Variants in TTC28 observed in about 807,000 individuals in gnomAD.
TTC28 encodes the protein tetratricopeptide repeat domain 28.
A neutral mutation model predicts 198.0 loss-of-function variants in TTC28; 61 were observed. The ratio of observed to expected loss-of-function variants is 0.31; its 90% confidence interval spans 0.25 to 0.38. TTC28 has a LOEUF of 0.38. Ranked by LOEUF, TTC28 falls within the 10% of genes least tolerant of loss-of-function variation. TTC28 has a pLI of 1.00. For synonymous variants in TTC28, 1,171 were observed against 1,297.8 expected (o/e 0.90, Z 2.10); for missense variants, 2,678 against 3,164.0 (o/e 0.85, Z 3.69).
intron 6 of TTC28, among the ~76,000 whole-genome samples, chr22:28,122,088 G>A (rs541052279): frequency 8.5e-5 from 13 of 152,238 alleles, no homozygotes; most frequent in African/African-American, 2.2e-4. Flanking sequence ...GGCTGTTCTC[G>A]AACTCCTGAC....
chr22:28,345,931 GA>G (rs1265088621), intron 2 of TTC28, among the ~76,000 whole-genome samples: 2 of 152,174 alleles, frequency 1.3e-5, no homozygotes, highest in African/African-American at 4.8e-5. Flanking sequence ...TAAGTAACCT[GA>G]ATCAGTCAGT....
At chr22:28,251,191 T>A (rs1601531597) in intron 5 of TTC28, among the ~76,000 whole-genome samples, 1 of 152,154 alleles carries the variant, frequency 6.6e-6, no homozygotes, top group South Asian at 2.1e-4. Context: ...TGTTTCAAAG[T>A]CCAACTTTCA....
At chr22:28,032,173 T>TATATATATATATAAA (rs1569094560) in intron 12 of TTC28, among the ~76,000 whole-genome samples, 80 of 104,180 alleles carry the variant, frequency 7.7e-4, no homozygotes, top group Non-Finnish European at 1.3e-3. Flanking sequence ...TGTGTGTATA[T>TATATATATATATAAA]ATATATATAT....
chr22:28,628,507 A>G (rs1206627168), intron 2 of TTC28, among the ~76,000 whole-genome samples: 10 of 152,228 alleles, frequency 6.6e-5, no homozygotes, highest in African/African-American at 2.4e-4. Flanking sequence ...ATACAATATT[A>G]TTAACTATAG....
intron 12 of TTC28, among the ~76,000 whole-genome samples, chr22:28,035,731 C>T (rs1218712387): frequency 5.3e-5 from 8 of 152,160 alleles, no homozygotes; most frequent in Non-Finnish European, 1.0e-4. Context: ...GAAACTTTCC[C>T]GTGTGACTTA....
At chr22:28,568,338 A>G (rs925812852) in intron 2 of TTC28, among the ~76,000 whole-genome samples, 4 of 152,210 alleles carry the variant, frequency 2.6e-5, no homozygotes, top group Admixed American at 2.6e-4. Context: ...TAAACTTTAA[A>G]ATGGTTAAAA....
At chr22:28,157,447 G>C (rs1025671496) in intron 6 of TTC28, among the ~76,000 whole-genome samples, 9 of 152,110 alleles carry the variant, frequency 5.9e-5, no homozygotes, top group Admixed American at 3.9e-4. Flanking sequence ...ATTCTATGAG[G>C]CCAGTATTAC....
intron 2 of TTC28, among the ~76,000 whole-genome samples, chr22:28,601,775 T>TACACACAC (rs1555900044): frequency 4.7e-5 from 3 of 63,250 alleles, no homozygotes; most frequent in Non-Finnish European, 1.2e-4. Flanking sequence ...GAGTAAACCC[T>TACACACAC]AGACACACAC....
At chr22:27,999,566 C>T (rs746223435) in intron 15 of TTC28, 10 of 353,306 alleles carry the variant, frequency 2.8e-5, no homozygotes, top group Non-Finnish European at 5.2e-5. Context: ...GAACCCAGGA[C>T]AGCCAGCCTG....
chr22:28,608,268 C>A (rs916587495), intron 2 of TTC28, among the ~76,000 whole-genome samples: 2 of 152,158 alleles, frequency 1.3e-5, no homozygotes, highest in African/African-American at 2.4e-5. Context: ...TAGGAGTAAA[C>A]AGAGGGGTCA....
At chr22:28,113,623 G>GT (rs1316434247) in intron 6 of TTC28, among the ~76,000 whole-genome samples, 1 of 152,226 alleles carries the variant, frequency 6.6e-6, no homozygotes, top group Non-Finnish European at 1.5e-5. Context: ...ACATAGGACA[G>GT]TGGGTATGCT....
At chr22:28,519,538 G>A (rs755195148) in intron 2 of TTC28, among the ~76,000 whole-genome samples, 45 of 152,118 alleles carry the variant, frequency 3.0e-4, no homozygotes, top group African/African-American at 1.0e-3. Context: ...CGGACATCAC[G>A]GTGTTCATTT....
intron 5 of TTC28, among the ~76,000 whole-genome samples, chr22:28,241,582 T>C (rs1219803051): frequency 6.6e-6 from 1 of 152,058 alleles, no homozygotes; most frequent in Non-Finnish European, 1.5e-5. Flanking sequence ...TGTATGTAAT[T>C]TACCCTCAAA....
At chr22:28,661,980 A>G (rs886567343) in intron 1 of TTC28, among the ~76,000 whole-genome samples, 1 of 152,168 alleles carries the variant, frequency 6.6e-6, no homozygotes, top group Non-Finnish European at 1.5e-5. Context: ...ACCTCAAGCA[A>G]TCCTCCTACT....
intron 5 of TTC28, among the ~76,000 whole-genome samples, chr22:28,167,319 C>T (rs1040003520): frequency 3.9e-5 from 6 of 152,196 alleles, no homozygotes; most frequent in African/African-American, 9.6e-5. Context: ...CCTAACTCAT[C>T]TTATGAGGCC....
intron 12 of TTC28, among the ~76,000 whole-genome samples, chr22:28,048,401 C>T (rs1304462453): frequency 2.0e-5 from 3 of 151,892 alleles, no homozygotes; most frequent in Non-Finnish European, 4.4e-5. Flanking sequence ...AGATGTGCCA[C>T]CTAGTTCAGG....
At chr22:28,662,628 G>A (rs951684792) in intron 1 of TTC28, among the ~76,000 whole-genome samples, 4 of 152,206 alleles carry the variant, frequency 2.6e-5, no homozygotes, top group Non-Finnish European at 5.9e-5. Context: ...ACTTACAGAA[G>A]GAAGAGTGCT....
intron 2 of TTC28, among the ~76,000 whole-genome samples, chr22:28,530,554 G>C (rs191922624): frequency 4.1e-4 from 62 of 152,214 alleles, no homozygotes; most frequent in Non-Finnish European, 1.3e-4. Context: ...AGGAAATACA[G>C]AGAACGCCAC....
intron 5 of TTC28, among the ~76,000 whole-genome samples, chr22:28,208,407 T>C (rs2147171189): frequency 6.6e-6 from 1 of 152,142 alleles, no homozygotes; most frequent in South Asian, 2.1e-4. Context: ...ACTTACAGGG[T>C]GGGTTGGTGA....
Sources: allele counts gnomAD v4.1 joint callset (sites outside exome capture counted in the v4.1 genomes callset), GRCh38; gene constraint gnomAD v4.1.1; transcripts MANE v1.5; gene names NCBI Gene and HGNC (gene_info 2026-07-23, HGNC 2026-07-21).